KANK1: variants seen among roughly 807,000 people sequenced by gnomAD.
KANK1 encodes the protein KN motif and ankyrin repeat domains 1.
A neutral mutation model predicts 106.2 loss-of-function variants in KANK1; 109 were observed. The observed-to-expected ratio is 1.03, with a 90% CI of 0.88 to 1.20. KANK1 has a LOEUF of 1.20. Ranked by LOEUF, KANK1 falls within the 50% of genes most tolerant of loss-of-function variation. The pLI is 0.00. For synonymous variants in KANK1, 873 were observed against 652.2 expected (o/e 1.34, Z -5.16); for missense variants, 2,399 against 1,710.7 (o/e 1.40, Z -7.10).
At chr9:611,275 T>C (rs527841461) in intron 1 of KANK1, among the ~76,000 whole-genome samples, 16 of 152,294 alleles carry the variant, frequency 1.1e-4, no homozygotes, top group Middle Eastern at 3.4e-3. Flanking sequence ...TCACAGACAA[T>C]TGTCACTGAA....
At chr9:532,962 G>T (rs558624313) in intron 1 of KANK1, among the ~76,000 whole-genome samples, 35 of 152,246 alleles carry the variant, frequency 2.3e-4, no homozygotes, top group Admixed American at 2.0e-4. Flanking sequence ...GTGTTTTGCC[G>T]ACGATAATGG....
chr9:626,971 CT>C (rs1226170524), intron 1 of KANK1, among the ~76,000 whole-genome samples: 1 of 152,096 alleles, frequency 6.6e-6, no homozygotes, highest in Non-Finnish European at 1.5e-5. Flanking sequence ...TAACTCATTC[CT>C]TTTGGTGTTC....
intron 3 of KANK1, among the ~76,000 whole-genome samples, chr9:493,781 A>T (rs1356333523): frequency 6.6e-6 from 1 of 151,500 alleles, no homozygotes; most frequent in Non-Finnish European, 1.5e-5. Context: ...TCCTGACCTC[A>T]GGTGATCTGC....
At chr9:603,870 A>T (rs189609959) in intron 1 of KANK1, among the ~76,000 whole-genome samples, 1 of 150,776 alleles carries the variant, frequency 6.6e-6, no homozygotes, top group Non-Finnish European at 1.5e-5. Flanking sequence ...GAGGCAGGAG[A>T]ATCACTTGAA....
rs141495141 is a variant in KANK1, at chr9:621,664, G to T, written c.-83-55226G>T. ...CGAGTGGACATTCCTCCAGCCAGTG[G>T]TGAGTTCCTCTTTCCTTCGCTCTCA... On this transcript the variant is annotated intron_variant, in intron 1 of 11. Transcript: ENST00000382297. Among the ~76,000 whole-genome samples the T allele has an allele frequency of 4.3e-3, 652 of 152,090 alleles. 3 individuals carry two copies. Among genetic ancestry groups the T allele is most frequent in the Non-Finnish European group, 4.5e-3 (308 of 67,998 alleles).
chr9:543,974 T>G (rs2060772837), intron 1 of KANK1, among the ~76,000 whole-genome samples: 1 of 152,176 alleles, frequency 6.6e-6, no homozygotes, highest in Non-Finnish European at 1.5e-5. Flanking sequence ...TATCTTTATT[T>G]GCTTAGTAAA....
At chr9:610,105 C>G (rs149399762) in intron 1 of KANK1, among the ~76,000 whole-genome samples, 1 of 152,114 alleles carries the variant, frequency 6.6e-6, no homozygotes, top group African/African-American at 2.4e-5. Context: ...TAATTCTTTG[C>G]TACTTTAAGT....
intron 3 of KANK1, among the ~76,000 whole-genome samples, chr9:490,997 T>C (rs979059774): frequency 6.1e-5 from 9 of 148,404 alleles, no homozygotes; most frequent in Non-Finnish European, 1.2e-4. Flanking sequence ...TCTCATTCTG[T>C]TGCCTAGGCT....
chr9:690,598 G>T (rs779150938), intron 2 of KANK1, among the ~76,000 whole-genome samples: 1 of 152,112 alleles, frequency 6.6e-6, no homozygotes, highest in Non-Finnish European at 1.5e-5. Context: ...GAACATTGGG[G>T]GAGGAAAGTA....
chr9:630,523 C>A (rs1025976312), intron 1 of KANK1, among the ~76,000 whole-genome samples: 2 of 152,008 alleles, frequency 1.3e-5, no homozygotes, highest in East Asian at 3.9e-4. Flanking sequence ...TGCACTGCAG[C>A]CTGGGCGACA....
intron 1 of KANK1, among the ~76,000 whole-genome samples, chr9:509,974 CTTT>C (rs113370848): frequency 4.9e-5 from 7 of 143,204 alleles, no homozygotes; most frequent in African/African-American, 7.7e-5. Context: ...CTAATTTTTC[CTTT>C]TTTTTTTTTT....
At chr9:583,567 T>G (rs890552046) in intron 1 of KANK1, among the ~76,000 whole-genome samples, 1 of 152,056 alleles carries the variant, frequency 6.6e-6, no homozygotes, top group African/African-American at 2.4e-5. Flanking sequence ...AGTATCCTTA[T>G]ATAAAGATCC....
intron 1 of KANK1, chr9:674,100 G>T (rs1436172487): frequency 6.6e-6 from 1 of 152,060 alleles, no homozygotes; most frequent in African/African-American, 2.4e-5. Context: ...CCTAATGCCT[G>T]CCTTTTGATT....
At chr9:507,482 C>G (rs555335769) in intron 1 of KANK1, among the ~76,000 whole-genome samples, 12 of 151,786 alleles carry the variant, frequency 7.9e-5, no homozygotes, top group Middle Eastern at 3.4e-3. Flanking sequence ...CTCCGCCTCC[C>G]AGGTTTAAGC....
At chr9:552,799 T>G (rs1016616746) in intron 1 of KANK1, among the ~76,000 whole-genome samples, 2 of 152,248 alleles carry the variant, frequency 1.3e-5, no homozygotes, top group African/African-American at 2.4e-5. Flanking sequence ...CATACACTGC[T>G]TTTATTTGCA....
At chr9:567,758 G>T (rs1818163745) in intron 1 of KANK1, among the ~76,000 whole-genome samples, 1 of 152,156 alleles carries the variant, frequency 6.6e-6, no homozygotes, top group Admixed American at 6.5e-5. Flanking sequence ...TGCAGTGTTG[G>T]CCCATTTTAA....
At chr9:593,185 A>G (rs1400811055) in intron 1 of KANK1, among the ~76,000 whole-genome samples, 3 of 151,874 alleles carry the variant, frequency 2.0e-5, no homozygotes, top group South Asian at 4.1e-4. Flanking sequence ...TGGAATAAAA[A>G]TCCTTTGGCA....
At chr9:664,195 C>A (rs1844031630) in intron 1 of KANK1, among the ~76,000 whole-genome samples, 1 of 152,112 alleles carries the variant, frequency 6.6e-6, no homozygotes, top group Non-Finnish European at 1.5e-5. Flanking sequence ...GTATTTGTAC[C>A]CATTAATCTA....
chr9:671,330 G>T (rs7037588), intron 1 of KANK1, among the ~76,000 whole-genome samples: 1 of 151,622 alleles, frequency 6.6e-6, no homozygotes, highest in East Asian at 1.9e-4. Context: ...GCCTGCTCTA[G>T]TAATTCTGTG....
Sources: allele counts gnomAD v4.1 joint callset (sites outside exome capture counted in the v4.1 genomes callset), GRCh38; gene constraint gnomAD v4.1.1; transcripts MANE v1.5; gene names NCBI Gene and HGNC (gene_info 2026-07-23, HGNC 2026-07-21).